The following SLC20A1 variants were observed in gnomAD, a reference collection of about 807,000 sequenced individuals.
The protein encoded by SLC20A1 is sodium-dependent phosphate transporter 1.
A neutral mutation model predicts 62.7 loss-of-function variants in SLC20A1; 28 were observed. The observed-to-expected ratio is 0.45, with a 90% confidence interval of 0.33 to 0.61. The LOEUF (loss-of-function observed/expected upper bound fraction) is 0.61. Among genes scored for constraint, SLC20A1 ranks in the 20% least tolerant of loss-of-function variants. The pLI is 0.02. For missense variants in SLC20A1, 673 were observed against 838.6 expected (o/e 0.80, Z 2.44); for synonymous variants, 305 against 302.9 (o/e 1.01, Z -0.07).
At position 112,657,117 on chromosome 2, in the gene SLC20A1, C is replaced by G; in HGVS notation, c.659-5C>G. On this transcript the variant is annotated splice_polypyrimidine_tract_variant and splice_region_variant and intron_variant, in intron 5 of 10. Transcript: ENST00000272542. ...GTTTTCAAGATGCACCATTTTATCT[C>G]CTAGTGCTGGGCTTTGACAAACTTC... is the stretch of plus-strand genomic sequence containing the variant. 1 of 1,613,424 alleles carries G rather than the reference C, an allele frequency of 6.2e-7. No homozygotes were observed.
chr2:112,656,221 AGTCTGACTTT>A (rs1686582221), intron 5 of SLC20A1, among the ~76,000 whole-genome samples: 1 of 127,620 alleles, frequency 7.8e-6, no homozygotes, highest in Non-Finnish European at 1.6e-5. Context: ...TTTGAGACAA[AGTCTGACTTT>A]GTCACCCAGG....
In SLC20A1 at chr2:112,660,589, G is replaced by T; in HGVS notation, c.1793+17G>T. 1 of 1,605,972 alleles carries T rather than the reference G, an allele frequency of 6.2e-7. No homozygotes were observed. The highest frequency in any genetic ancestry group is 2.2e-5 in the East Asian group (1 of 44,788). On this transcript the variant is annotated intron_variant, in intron 9 of 10. Coordinates refer to ENST00000272542, the MANE Select transcript of SLC20A1 (RefSeq NM_005415.5). ...ACCCTCTAGGTAAGTAGGTGGAGCAGGTTCTACAAATGTCAGTACTCATTT... is the reference window on the plus strand; with the variant it reads ...ACCCTCTAGGTAAGTAGGTGGAGCATGTTCTACAAATGTCAGTACTCATTT...
rs1686291115 is a variant in SLC20A1, at chr2:112,646,790, C to T, written c.-39C>T. ...TTCTGTTTACACATCTTGAAAGGCG[C>T]TCAGTAGTTCTCTTACTAAACAACC... On this transcript the variant is annotated 5_prime_UTR_variant, in exon 2 of 11. Coordinates refer to ENST00000272542, the MANE Select transcript of SLC20A1 (RefSeq NM_005415.5). 6.9e-7 allele frequency: 1 copy of T among 1,440,726 alleles called. No homozygotes were observed. Among genetic ancestry groups the T allele is most frequent in the African/African-American group, 1.4e-5 (1 of 70,332 alleles). The allele number at this position is 1,440,726 out of a possible 1,614,324, so 89.2% of individuals were successfully genotyped here.
intron 10 of SLC20A1, 24 bp from the exon 11 acceptor site, chr2:112,662,840 T>TTC: frequency 1.2e-6 from 2 of 1,611,102 alleles, no homozygotes; most frequent in Non-Finnish European, 1.7e-6. Flanking sequence ...AATAACCTGT[T>TTC]TCCTTGGTCT....
Position 112,663,117 on chromosome 2 carries a change from T to C in SLC20A1, c.*92T>C, listed in dbSNP as rs755543010. 1.4e-6 allele frequency: 2 copies of C among 1,423,722 alleles called. No homozygotes were observed. The highest frequency in any genetic ancestry group is 2.0e-6 in the Non-Finnish European group (2 of 1,007,690). 88.2% of individuals were successfully genotyped at this position (1,423,722 alleles called of 1,614,324 possible). A position where few individuals can be genotyped will look rare whatever the true frequency, so the allele number is the denominator to read the frequency against. On this transcript the variant is annotated 3_prime_UTR_variant, in exon 11 of 11. Transcript: ENST00000272542. Reference sequence around the variant, plus strand: ...AATGATTACAGTGTTAACAGAAGACTGACAAGAGTCTTTTTATTTGGGAGC... The same window carrying C: ...AATGATTACAGTGTTAACAGAAGACCGACAAGAGTCTTTTTATTTGGGAGC...
intron 5 of SLC20A1, 108 bp from the exon 6 acceptor site, chr2:112,657,014 G>A (rs1234183802): frequency 1.6e-6 from 2 of 1,280,354 alleles, no homozygotes; most frequent in Non-Finnish European, 2.3e-6. Flanking sequence ...AGCTGTCAGG[G>A]GTGATGGGCT....
Position 112,662,886 on chromosome 2 carries a change from GCTGGCTCCGGTCCAAGAAGGCTGTTGA to G in SLC20A1, c.1907_1933del (p.Leu636_Trp644del), listed in dbSNP as rs772305488. The G allele has an allele frequency of 6.2e-7, 1 of 1,614,092 alleles. No homozygotes were observed. Among genetic ancestry groups the G allele is most frequent in the South Asian group, 1.1e-5 (1 of 91,066 alleles). On this transcript the variant is annotated inframe_deletion, in exon 11 of 11. Coordinates refer to ENST00000272542, the MANE Select transcript of SLC20A1 (RefSeq NM_005415.5). ...TAGGTGGGCTCTGTTGTGTCTGTTG[GCTGGCTCCGGTCCAAGAAGGCTGTTGA>G]CTGGCGTCTCTTTCGTAACATTTTT...
At chr2:112,650,664 C>T (rs1342720832) in intron 4 of SLC20A1, among the ~76,000 whole-genome samples, 3 of 151,678 alleles carry the variant, frequency 2.0e-5, no homozygotes, top group African/African-American at 7.3e-5. Flanking sequence ...TCGCCTGTCA[C>T]CCAGGCTGGA....
chr2:112,662,165 C>CA (rs1686766637), intron 10 of SLC20A1, among the ~76,000 whole-genome samples: 1 of 152,216 alleles, frequency 6.6e-6, no homozygotes, highest in African/African-American at 2.4e-5. Flanking sequence ...GCTGGTCCAT[C>CA]ATGGATCCTG....
intron 10 of SLC20A1, among the ~76,000 whole-genome samples, chr2:112,661,685 A>G (rs1411578460): frequency 6.6e-6 from 1 of 151,962 alleles, no homozygotes; most frequent in Non-Finnish European, 1.5e-5. Flanking sequence ...AGTAGCTGGG[A>G]TTATAGGCAC....
intron 5 of SLC20A1, among the ~76,000 whole-genome samples, chr2:112,655,059 C>G (rs1350540627): frequency 6.7e-6 from 1 of 149,124 alleles, no homozygotes; most frequent in African/African-American, 2.5e-5. Context: ...ACCACTACCT[C>G]CCGGGTTTGA....
Position 112,658,514 on chromosome 2 carries a change from G to T in SLC20A1, c.779-311G>T, listed in dbSNP as rs533619400. 8.0e-5 allele frequency: 19 copies of T among 236,054 alleles called. No homozygotes were observed. In the South Asian group the frequency reaches 1.3e-3, roughly 16 times the overall value. 14.6% of individuals were successfully genotyped at this position (236,054 alleles called of 1,614,324 possible). A position where few individuals can be genotyped will look rare whatever the true frequency, so the allele number is the denominator to read the frequency against. On this transcript the variant is annotated intron_variant, in intron 6 of 10. Coordinates refer to ENST00000272542, the MANE Select transcript of SLC20A1 (RefSeq NM_005415.5). ...ATGAGTCAGCAGGGAGCTAAGAAGG[G>T]TTCTTATATCTGTAAAGGGTTGTAA...
chr2:112,659,183 C>A, intron 7 of SLC20A1, 21 bp from the exon 8 acceptor site: 2 of 1,606,276 alleles, frequency 1.2e-6, no homozygotes, highest in South Asian at 1.1e-5. Flanking sequence ...TATTGAATGT[C>A]ACCTTGGTGA....
At position 112,660,579 on chromosome 2, in the gene SLC20A1, AG is replaced by A; in HGVS notation, c.1793+9del. ...CACCGATCACACCCTCTAGGTAAGTAGGTGGAGCAGGTTCTACAAATGTCAG... is the reference window on the plus strand; with the variant it reads ...CACCGATCACACCCTCTAGGTAAGTAGTGGAGCAGGTTCTACAAATGTCAG... On this transcript the variant is annotated splice_region_variant and intron_variant, in intron 9 of 10. Coordinates refer to ENST00000272542, the MANE Select transcript of SLC20A1 (RefSeq NM_005415.5). 1 of 1,609,252 alleles carries A rather than the reference AG, an allele frequency of 6.2e-7. No individual in the cohort carries two copies. Among genetic ancestry groups the A allele is most frequent in the Non-Finnish European group, 8.5e-7 (1 of 1,178,290 alleles).
intron 4 of SLC20A1, 29 bp from the exon 5 acceptor site, chr2:112,652,673 A>C: frequency 6.4e-7 from 1 of 1,573,566 alleles, no homozygotes; most frequent in South Asian, 1.1e-5. Context: ...TATACCTTTT[A>C]AGATATTGAT....
chr2:112,647,532 G>A lies in SLC20A1; in HGVS notation c.475+68G>A, dbSNP rs1348949074. ...ATATGTTACCATGGCATTAGGTATGGGAGGATGTGTTCTAACGTCGAGGGA... is the reference window on the plus strand; with the variant it reads ...ATATGTTACCATGGCATTAGGTATGAGAGGATGTGTTCTAACGTCGAGGGA... On this transcript the variant is annotated intron_variant, in intron 3 of 10. Transcript: ENST00000272542. The A allele has an allele frequency of 3.1e-6, 5 of 1,589,904 alleles. No individual in the cohort carries two copies. In the African/African-American group the frequency reaches 5.4e-5, roughly 17 times the overall value.
chr2:112,656,988 A>C, intron 5 of SLC20A1, 134 bp from the exon 6 acceptor site: 1 of 1,019,106 alleles, frequency 9.8e-7, no homozygotes, highest in Non-Finnish European at 1.6e-6. Context: ...AATCCTGTGC[A>C]CTTAAATCTG....
chr2:112,646,363 C>T (rs920362702), intron 1 of SLC20A1, among the ~76,000 whole-genome samples, 200 bp from the exon 2 acceptor site: 2 of 151,836 alleles, frequency 1.3e-5, no homozygotes, highest in Non-Finnish European at 2.9e-5. Flanking sequence ...GGGCTGGCAG[C>T]GCAGGGGCTG....
At position 112,646,912 on chromosome 2, in the gene SLC20A1, C is replaced by G; in HGVS notation, c.84C>G (p.Gly28=). Residue 28 remains glycine, a synonymous_variant, in exon 2 of 11, where the codon GGC becomes GGG. Transcript: ENST00000272542. ...LVDYLWMLIL[G]FIIAFVLAFS... ...ACTACCTATGGATGCTCATCCTGGG[C>G]TTCATTATTGCATTTGTCTTGGCAT... The G allele has an allele frequency of 1.9e-6, 3 of 1,613,718 alleles. No individual in the cohort carries two copies. The highest frequency in any genetic ancestry group is 1.7e-6 in the Non-Finnish European group (2 of 1,179,944).
Sources: allele counts gnomAD v4.1 joint callset (sites outside exome capture counted in the v4.1 genomes callset), GRCh38; gene constraint gnomAD v4.1.1; transcripts MANE v1.5; gene names NCBI Gene and HGNC (gene_info 2026-07-23, HGNC 2026-07-21).